Variants in CNTNAP2 observed in about 807,000 individuals in gnomAD.
The protein encoded by CNTNAP2 is contactin associated protein 2.
In CNTNAP2, 98 loss-of-function variants were observed where a neutral mutation model predicts 155.2. The observed-to-expected ratio is 0.63, with a 90% confidence interval of 0.54 to 0.75. The LOEUF (loss-of-function observed/expected upper bound fraction) is 0.75. Ranked by LOEUF, CNTNAP2 falls within the 30% of genes least tolerant of loss-of-function variation. The probability of loss-of-function intolerance (pLI) is 0.00; values close to 1 mark genes in which losing one functional copy is unlikely to be tolerated. For synonymous variants in CNTNAP2, 651 were observed against 631.2 expected, an observed-to-expected ratio of 1.03 and a Z score of -0.47; for missense variants, 1,727 against 1,688.1, an observed-to-expected ratio of 1.02 and a Z score of -0.40.
rs187862740 is a variant in CNTNAP2 at position 148,365,714 on chromosome 7, A to G, written c.3476-17935A>G. 9.7e-3 allele frequency among the ~76,000 whole-genome samples: 470 copies of G among 48,252 alleles called. 51 individuals carry two copies. Among genetic ancestry groups the G allele is most frequent in the African/African-American group, 0.022 (358 of 16,444 alleles). The allele number at this position is 48,252 out of a possible 152,430, so 31.7% of individuals were successfully genotyped here. On this transcript the variant is annotated intron_variant, in intron 21 of 23. Coordinates refer to ENST00000361727, the MANE Select transcript of CNTNAP2 (RefSeq NM_014141.6). The stretch of plus-strand genomic sequence containing the variant: ...TGTATATATGTATACTTTTATATAT[A>G]TGTATACGTGTATATATGTATGTGT...
intron 20 of CNTNAP2, among the ~76,000 whole-genome samples, chr7:148,254,840 A>G (rs1386923201): frequency 6.6e-6 from 1 of 151,434 alleles, no homozygotes; most frequent in East Asian, 1.9e-4. Context: ...ATATTTGTTA[A>G]TATCTATTTT....
intron 13 of CNTNAP2, among the ~76,000 whole-genome samples, chr7:147,658,923 G>A (rs773961680): frequency 6.6e-6 from 1 of 152,140 alleles, no homozygotes. Flanking sequence ...TTTCCACTGA[G>A]TGTTGATATT....
chr7:148,211,952 G>A (rs1230127918), intron 18 of CNTNAP2, among the ~76,000 whole-genome samples: 2 of 152,086 alleles, frequency 1.3e-5, no homozygotes, highest in Admixed American at 1.3e-4. Context: ...AGTCCTGATA[G>A]GAAAGTTAGA....
At chr7:146,147,450 G>A (rs539488249) in intron 1 of CNTNAP2, among the ~76,000 whole-genome samples, 176 of 152,208 alleles carry the variant, frequency 1.2e-3, no homozygotes, top group African/African-American at 4.1e-3. Flanking sequence ...TCATGCTGTA[G>A]CAGCATTATA....
chr7:147,716,655 C>T (rs549071610), intron 13 of CNTNAP2, among the ~76,000 whole-genome samples: 1 of 152,238 alleles, frequency 6.6e-6, no homozygotes, highest in Admixed American at 6.5e-5. Flanking sequence ...CCGGCATCCC[C>T]CGTGCAAGCT....
chr7:147,427,286 T>A (rs1203204250), intron 10 of CNTNAP2, among the ~76,000 whole-genome samples: 3 of 152,120 alleles, frequency 2.0e-5, no homozygotes, highest in Admixed American at 2.0e-4. Flanking sequence ...GGGGATTAAG[T>A]TTCAACATGA....
chr7:147,298,454 A>C (rs1405712676), intron 8 of CNTNAP2, among the ~76,000 whole-genome samples: 1 of 152,002 alleles, frequency 6.6e-6, no homozygotes, highest in East Asian at 1.9e-4. Context: ...AGTAAGTATT[A>C]CTAAATTAAA....
Position 148,053,041 on chromosome 7 carries a change from C to T in CNTNAP2, c.2384-65077C>T, listed in dbSNP as rs1235431002. On this transcript the variant is annotated intron_variant, in intron 15 of 23. Transcript: ENST00000361727. ...TAGGCTGGGTGACAGAGCTAGACTC[C>T]GTCTCAAAAAAACAAGAAACATCAC... 3.3e-5 allele frequency among the ~76,000 whole-genome samples: 5 copies of T among 151,854 alleles called. No individual in the cohort carries two copies. The East Asian group carries it at 7.7e-4, about 24-fold the overall frequency.
chr7:147,460,653 T>C (rs1584960957), intron 10 of CNTNAP2, among the ~76,000 whole-genome samples: 1 of 152,330 alleles, frequency 6.6e-6, no homozygotes, highest in African/African-American at 2.4e-5. Flanking sequence ...TTTGCATTAT[T>C]CTCAAAAAGA....
intron 1 of CNTNAP2, among the ~76,000 whole-genome samples, chr7:146,333,937 C>G (rs1366538497): frequency 1.3e-5 from 2 of 152,170 alleles, no homozygotes; most frequent in African/African-American, 4.8e-5. Flanking sequence ...AACTCAGTCA[C>G]ATGACCATAC....
At chr7:147,728,495 G>A (rs1738880367) in intron 13 of CNTNAP2, among the ~76,000 whole-genome samples, 2 of 151,976 alleles carry the variant, frequency 1.3e-5, no homozygotes, top group Non-Finnish European at 2.9e-5. Context: ...ATCAAATGGG[G>A]ATCAGAGTAG....
At chr7:147,555,945 C>T (rs1254047825) in intron 11 of CNTNAP2, among the ~76,000 whole-genome samples, 2 of 152,214 alleles carry the variant, frequency 1.3e-5, no homozygotes, top group Non-Finnish European at 1.5e-5. Context: ...CAATTCATGC[C>T]TGTTACTTGT....
chr7:146,447,866 G>T (rs1188433740), intron 1 of CNTNAP2, among the ~76,000 whole-genome samples: 1 of 151,922 alleles, frequency 6.6e-6, no homozygotes, highest in South Asian at 2.1e-4. Context: ...CTGTGTTTAA[G>T]TTCCATATGC....
intron 1 of CNTNAP2, among the ~76,000 whole-genome samples, chr7:146,688,725 G>A (rs979561451): frequency 1.3e-5 from 2 of 152,104 alleles, no homozygotes; most frequent in South Asian, 4.1e-4. Flanking sequence ...TGCAGGTCAC[G>A]GGATATGATG....
chr7:147,886,759 C>A (rs1034392319), intron 13 of CNTNAP2, among the ~76,000 whole-genome samples: 4 of 152,068 alleles, frequency 2.6e-5, no homozygotes, highest in African/African-American at 7.2e-5. Context: ...CCAGTTGAGA[C>A]CCACTGGCAC....
intron 1 of CNTNAP2, among the ~76,000 whole-genome samples, chr7:146,270,997 A>T (rs187264354): frequency 6.6e-6 from 1 of 152,168 alleles, no homozygotes; most frequent in Non-Finnish European, 1.5e-5. Flanking sequence ...ATCAAAATAA[A>T]AAAGTTAGTT....
intron 9 of CNTNAP2, among the ~76,000 whole-genome samples, chr7:147,306,367 G>A (rs142341671): frequency 5.9e-5 from 9 of 152,214 alleles, no homozygotes; most frequent in African/African-American, 9.6e-5. Context: ...AAAAAGTATC[G>A]TGCATAGTGG....
At chr7:147,267,600 G>A (rs1028869586) in intron 8 of CNTNAP2, among the ~76,000 whole-genome samples, 2 of 151,468 alleles carry the variant, frequency 1.3e-5, no homozygotes, top group Non-Finnish European at 2.9e-5. Flanking sequence ...TGCTATCCAC[G>A]CAACTATGGA....
At chr7:146,522,179 C>T (rs567718484) in intron 1 of CNTNAP2, among the ~76,000 whole-genome samples, 24 of 151,984 alleles carry the variant, frequency 1.6e-4, no homozygotes, top group Admixed American at 2.6e-4. Flanking sequence ...ATAAAGTTGC[C>T]GTATTTGATG....
Sources: allele counts gnomAD v4.1 joint callset (sites outside exome capture counted in the v4.1 genomes callset), GRCh38; gene constraint gnomAD v4.1.1; transcripts MANE v1.5; gene names NCBI Gene and HGNC (gene_info 2026-07-23, HGNC 2026-07-21).